The following UTRN variants were observed in gnomAD, a reference collection of about 807,000 sequenced individuals.
UTRN encodes dystrophin-related protein 1.
In UTRN, 283 loss-of-function variants were observed where a neutral mutation model predicts 463.9. The observed-to-expected ratio is 0.61, with a 90% CI of 0.55 to 0.67. The LOEUF (loss-of-function observed/expected upper bound fraction) is 0.67, where lower values mean the gene tolerates loss of function less well. Ranked by LOEUF, UTRN falls within the 30% of genes least tolerant of loss-of-function variation. The pLI is 0.00. For synonymous variants in UTRN, 1,442 were observed against 1,431.5 expected, an observed-to-expected ratio of 1.01 and a Z score of -0.17; for missense variants, 3,922 against 4,084.3, an observed-to-expected ratio of 0.96 and a Z score of 1.08.
At position 144,482,287 on chromosome 6, in the gene UTRN, G is replaced by A; in HGVS notation, c.3586G>A (p.Val1196Met). 3.7e-6 allele frequency: 6 copies of A among 1,609,462 alleles called. No individual in the cohort carries two copies. Among genetic ancestry groups the A allele is most frequent in the Non-Finnish European group, 5.1e-6 (6 of 1,178,780 alleles). Reference protein sequence around the residue: ...KDNIKLLAAKVPSGGQELTSE... With the variant: ...KDNIKLLAAKMPSGGQELTSE... ...CAACATCAAGTTATTAGCTGCCAAG[G>A]TGCCCTCTGGTGGCCAGGAGTTGAC... The change falls in exon 27 of 75, where the codon GTG becomes ATG. Residue 1196 changes from valine (V) to methionine (M), a missense_variant. Val to Met is a conservative substitution (Grantham distance 21). Transcript: ENST00000367545.
chr6:144,308,356 G>C (rs867090543), intron 2 of UTRN, among the ~76,000 whole-genome samples: 14 of 152,038 alleles, frequency 9.2e-5, no homozygotes, highest in Admixed American at 2.6e-4. Flanking sequence ...CATTTTTTCG[G>C]TACTAGCATG....
chr6:144,438,227 C>T (rs1562399373), intron 11 of UTRN, among the ~76,000 whole-genome samples: 1 of 152,138 alleles, frequency 6.6e-6, no homozygotes, highest in African/African-American at 2.4e-5. Context: ...GATTCAGCCA[C>T]TGCACTCCAG....
chr6:144,470,550 CG>C (rs1790474526), intron 23 of UTRN, among the ~76,000 whole-genome samples: 2 of 151,336 alleles, frequency 1.3e-5, no homozygotes, highest in Non-Finnish European at 2.9e-5. Flanking sequence ...GACAGGATGA[CG>C]GCCGGGAAGA....
intron 3 of UTRN, among the ~76,000 whole-genome samples, chr6:144,420,998 C>A (rs944683720): frequency 2.0e-5 from 3 of 152,074 alleles, no homozygotes; most frequent in African/African-American, 7.2e-5. Context: ...GAAATTATGT[C>A]CAGACTTTGT....
chr6:144,599,767 CA>C (rs1300762748), intron 51 of UTRN, among the ~76,000 whole-genome samples: 2 of 152,020 alleles, frequency 1.3e-5, no homozygotes, highest in Non-Finnish European at 2.9e-5. Flanking sequence ...GTCTTACTTT[CA>C]TTTCACTCTT....
chr6:144,338,027 AG>A (rs1181595523), intron 2 of UTRN, among the ~76,000 whole-genome samples: 2 of 152,222 alleles, frequency 1.3e-5, no homozygotes, highest in Non-Finnish European at 2.9e-5. Context: ...ATGGAAACAA[AG>A]GCATGATTTC....
intron 51 of UTRN, among the ~76,000 whole-genome samples, chr6:144,643,163 G>A (rs2128662555): frequency 6.6e-6 from 1 of 152,246 alleles, no homozygotes; most frequent in East Asian, 1.9e-4. Flanking sequence ...AAGGTACTGG[G>A]TAGTCAACAG....
intron 65 of UTRN, among the ~76,000 whole-genome samples, chr6:144,809,254 C>G (rs1778403728): frequency 6.6e-6 from 1 of 152,086 alleles, no homozygotes; most frequent in African/African-American, 2.4e-5. Context: ...TAGGGTCAAT[C>G]TTGAGTCACA....
chr6:144,561,492 TATAA>T (rs1396425143), intron 50 of UTRN, among the ~76,000 whole-genome samples: 4 of 151,990 alleles, frequency 2.6e-5, no homozygotes, highest in Non-Finnish European at 5.9e-5. Flanking sequence ...AACTGTGTGC[TATAA>T]ATAGTTTCTT....
intron 51 of UTRN, among the ~76,000 whole-genome samples, chr6:144,661,189 G>A (rs1443557892): frequency 3.3e-5 from 5 of 152,064 alleles, no homozygotes; most frequent in Non-Finnish European, 7.4e-5. Flanking sequence ...CTGTAGAAGC[G>A]GGACTGGATT....
chr6:144,606,963 CA>C (rs1386396352), intron 51 of UTRN, among the ~76,000 whole-genome samples: 1 of 152,220 alleles, frequency 6.6e-6, no homozygotes, highest in Admixed American at 6.5e-5. Flanking sequence ...GGCTCCACCA[CA>C]TGATGTCCTT....
At chr6:144,442,564 G>A (rs923402841) in intron 13 of UTRN, among the ~76,000 whole-genome samples, 6 of 152,174 alleles carry the variant, frequency 3.9e-5, no homozygotes, top group African/African-American at 1.4e-4. Flanking sequence ...CACAATCATG[G>A]CAGAAGGGAA....
chr6:144,837,087 G>A (rs1781166380), intron 71 of UTRN: 1 of 156,100 alleles, frequency 6.4e-6, no homozygotes, highest in Non-Finnish European at 1.4e-5. Flanking sequence ...ATACATGCAT[G>A]TATGGAGAAT....
At position 144,516,904 on chromosome 6, in the gene UTRN, C is replaced by G; in HGVS notation, c.5497C>G (p.Arg1833Gly). ...PMEDNKKEKIRLQLLLLHTRY... is the reference protein window; with the variant it reads ...PMEDNKKEKIGLQLLLLHTRY... Reference sequence around the variant, plus strand: ...GGAAGATAATAAAAAAGAAAAGATCCGTTTGCAATTATTACTTTTGCATAC... The same window carrying G: ...GGAAGATAATAAAAAAGAAAAGATCGGTTTGCAATTATTACTTTTGCATAC... The change falls in exon 39 of 75, where the codon CGT (arginine) becomes GGT (glycine). Residue 1833 changes from arginine to glycine, a missense_variant. By Grantham distance (125) the Arg-to-Gly change is moderately radical. Transcript: ENST00000367545. The G allele has an allele frequency of 6.7e-7, 1 of 1,497,174 alleles. No individual in the cohort carries two copies. Among genetic ancestry groups the G allele is most frequent in the East Asian group, 2.6e-5 (1 of 38,474 alleles). The allele number at this position is 1,497,174 out of a possible 1,614,324, so 92.7% of individuals were successfully genotyped here.
intron 53 of UTRN, among the ~76,000 whole-genome samples, chr6:144,700,485 T>C (rs1477358272): frequency 6.6e-6 from 1 of 152,214 alleles, no homozygotes; most frequent in African/African-American, 2.4e-5. Context: ...ATATTGCTTT[T>C]AGCTTATTAT....
chr6:144,290,500 G>A lies in UTRN; in HGVS notation c.-92-1237G>A, dbSNP rs115560704. Among the ~76,000 whole-genome samples, 902 of 151,698 alleles carry A rather than the reference G, an allele frequency of 5.9e-3. 8 individuals are homozygous for A. Among genetic ancestry groups the A allele is most frequent in the African/African-American group, 0.021 (860 of 41,324 alleles). ...AAGGATATTGTGTAGATGATGTGGT[G>A]ATTTTCCATTCAATTGCATGATGCC... is the stretch of plus-strand genomic sequence containing the variant. On this transcript the variant is annotated intron_variant, in intron 1 of 74. Transcript: ENST00000367545.
intron 51 of UTRN, among the ~76,000 whole-genome samples, chr6:144,631,953 A>G (rs1234183721): frequency 6.6e-6 from 1 of 152,160 alleles, no homozygotes; most frequent in African/African-American, 2.4e-5. Flanking sequence ...TGACATTGCT[A>G]CCCTTTGGAT....
intron 2 of UTRN, among the ~76,000 whole-genome samples, chr6:144,367,044 C>T (rs984863288): frequency 6.6e-6 from 1 of 151,934 alleles, no homozygotes; most frequent in East Asian, 1.9e-4. Context: ...AGTGCAGTAG[C>T]GCAATCTTGG....
chr6:144,422,892 C>T (rs1189446684), intron 4 of UTRN, among the ~76,000 whole-genome samples: 1 of 152,124 alleles, frequency 6.6e-6, no homozygotes, highest in Non-Finnish European at 1.5e-5. Flanking sequence ...CTCTCTTTGC[C>T]CTCCAGGTAG....
Sources: allele counts gnomAD v4.1 joint callset (sites outside exome capture counted in the v4.1 genomes callset), GRCh38; gene constraint gnomAD v4.1.1; transcripts MANE v1.5; gene names NCBI Gene and HGNC (gene_info 2026-07-23, HGNC 2026-07-21).